Variants in STK32A observed in about 807,000 individuals in gnomAD.
STK32A encodes serine/threonine-protein kinase 32A.
In STK32A, 41 loss-of-function variants were observed where a neutral mutation model predicts 53.2. The ratio of observed to expected loss-of-function variants is 0.77; its 90% CI spans 0.60 to 1.00. The LOEUF is 1.00. Among genes scored for constraint, STK32A ranks in the 50% least tolerant of loss-of-function variants. The pLI, the probability that STK32A is intolerant of heterozygous loss-of-function variation, is 0.00. For missense variants in STK32A, 458 were observed against 485.8 expected, an observed-to-expected ratio of 0.94 and a Z score of 0.54; for synonymous variants, 166 against 162.8, an observed-to-expected ratio of 1.02 and a Z score of -0.15.
chr5:147,342,944 CTACCCCT>C (rs1232123043), intron 5 of STK32A, 55 bp from the exon 6 acceptor site: 17 of 1,550,832 alleles, frequency 1.1e-5, no homozygotes, highest in Non-Finnish European at 1.4e-5. Flanking sequence ...CTTTTTGCCC[CTACCCCT>C]TAGTTCTGTT....
intron 4 of STK32A, among the ~76,000 whole-genome samples, chr5:147,298,996 G>A (rs1346283706): frequency 3.3e-5 from 5 of 152,078 alleles, no homozygotes; most frequent in Non-Finnish European, 7.4e-5. Flanking sequence ...TACTGTTACA[G>A]GAAAGCAGTC....
intron 7 of STK32A, among the ~76,000 whole-genome samples, chr5:147,358,416 C>A (rs1756353625): frequency 1.3e-5 from 2 of 152,144 alleles, no homozygotes; most frequent in Admixed American, 1.3e-4. Context: ...TTATCACCAA[C>A]AGTTCCCCTG....
intron 4 of STK32A, among the ~76,000 whole-genome samples, chr5:147,284,815 T>C (rs1752252573): frequency 6.6e-6 from 1 of 151,840 alleles, no homozygotes; most frequent in Admixed American, 6.6e-5. Context: ...CACAAACAAA[T>C]GGAAACATGT....
intron 7 of STK32A, among the ~76,000 whole-genome samples, chr5:147,357,205 A>G (rs1756287310): frequency 6.6e-6 from 1 of 152,128 alleles, no homozygotes; most frequent in South Asian, 2.1e-4. Flanking sequence ...TTACATGTTA[A>G]TAGATTTCTG....
the STK32A span, among the ~76,000 whole-genome samples, chr5:147,396,719 CAT>C: frequency 6.6e-6 from 1 of 152,096 alleles, no homozygotes; most frequent in African/African-American, 2.4e-5. Flanking sequence ...AAATCACACT[CAT>C]AGAAATAAAG....
At chr5:147,269,385 G>A (rs1402737905) in intron 2 of STK32A, among the ~76,000 whole-genome samples, 3 of 152,106 alleles carry the variant, frequency 2.0e-5, no homozygotes, top group Non-Finnish European at 4.4e-5. Context: ...TGAGTTCAGT[G>A]AGCAATGTCT....
intron 4 of STK32A, among the ~76,000 whole-genome samples, chr5:147,300,435 T>C (rs1753075173): frequency 6.6e-6 from 1 of 152,222 alleles, no homozygotes; most frequent in African/African-American, 2.4e-5. Flanking sequence ...GTCTTTCATA[T>C]CCCACAAGAA....
intron 5 of STK32A, among the ~76,000 whole-genome samples, chr5:147,337,064 C>T (rs965401791): frequency 6.6e-6 from 1 of 152,176 alleles, no homozygotes; most frequent in Admixed American, 6.5e-5. Context: ...TGTAATTAGC[C>T]TGTTAACCCT....
Position 147,345,378 on chromosome 5 carries a change from C to T in STK32A, c.472+2335C>T, listed in dbSNP as rs146372904. On this transcript the variant is annotated intron_variant, in intron 6 of 12. Coordinates refer to ENST00000397936, the MANE Select transcript of STK32A (RefSeq NM_001112724.2). ...ACTCAATAAAAGTCTAATATTAGTA[C>T]AATTCTTCTGAGGCAGTCATGGCTT... 2.9e-4 allele frequency among the ~76,000 whole-genome samples: 44 copies of T among 152,242 alleles called. No individual in the cohort carries two copies. The South Asian group carries it at 5.0e-3, about 17-fold the overall frequency.
At chr5:147,256,182 C>T (rs932893384) in intron 2 of STK32A, among the ~76,000 whole-genome samples, 3 of 152,178 alleles carry the variant, frequency 2.0e-5, no homozygotes, top group African/African-American at 4.8e-5. Context: ...TGCATCCCTT[C>T]AGGTCTCCAA....
At chr5:147,247,921 A>G (rs908955237) in intron 2 of STK32A, among the ~76,000 whole-genome samples, 2 of 152,126 alleles carry the variant, frequency 1.3e-5, no homozygotes, top group South Asian at 2.1e-4. Context: ...CACGAGTTCG[A>G]GACCAGCCTG....
At chr5:147,382,744 A>G (rs910076650) in intron 11 of STK32A, among the ~76,000 whole-genome samples, 4 of 152,054 alleles carry the variant, frequency 2.6e-5, no homozygotes, top group African/African-American at 4.8e-5. Context: ...TTCCCTACAC[A>G]TGCAGTTGTT....
At chr5:147,302,791 A>C (rs1056040049) in intron 4 of STK32A, among the ~76,000 whole-genome samples, 8 of 152,194 alleles carry the variant, frequency 5.3e-5, no homozygotes, top group African/African-American at 1.9e-4. Context: ...CCCCTTGTCA[A>C]AATCAATTTA....
chr5:147,330,537 A>G (rs961328704), intron 5 of STK32A, among the ~76,000 whole-genome samples: 5 of 152,202 alleles, frequency 3.3e-5, no homozygotes, highest in Admixed American at 3.3e-4. Flanking sequence ...GTCTGTTCAC[A>G]TTTCCTCTAA....
intron 2 of STK32A, among the ~76,000 whole-genome samples, chr5:147,269,038 A>G (rs1420999708): frequency 6.6e-6 from 1 of 152,080 alleles, no homozygotes; most frequent in African/African-American, 2.4e-5. Flanking sequence ...CTTGAGTGGG[A>G]CTCTACCACT....
At chr5:147,347,309 C>T (rs1755736451) in intron 6 of STK32A, among the ~76,000 whole-genome samples, 1 of 144,942 alleles carries the variant, frequency 6.9e-6, no homozygotes, top group Non-Finnish European at 1.5e-5. Flanking sequence ...ATCCTCTATC[C>T]CAAGCAATAG....
At position 147,322,974 on chromosome 5, in the gene STK32A, G is replaced by C. The variant is rs1033201043; in HGVS notation, c.261-924G>C. On this transcript the variant is annotated intron_variant, in intron 4 of 12. Transcript: ENST00000397936. ...ACACAAGTTTCCCCTCATACCTGTT[G>C]TTCCAGCAAATCCAAGCTATTCTCC... 3.3e-5 allele frequency among the ~76,000 whole-genome samples: 5 copies of C among 152,244 alleles called. No homozygotes were observed. In the South Asian group the frequency reaches 6.2e-4, roughly 19 times the overall value.
chr5:147,289,938 G>A (rs1752523943), intron 4 of STK32A, among the ~76,000 whole-genome samples: 1 of 152,096 alleles, frequency 6.6e-6, no homozygotes, highest in East Asian at 1.9e-4. Flanking sequence ...AAGATGCACA[G>A]TTATATTTGA....
downstream of STK32A, chr5:147,391,379 C>T (rs1757793995): frequency 6.6e-6 from 1 of 152,630 alleles, no homozygotes; most frequent in Non-Finnish European, 1.5e-5. Flanking sequence ...ATTTCCCAAA[C>T]ACCCTTTCCA....
Sources: gnomAD v4.1 joint callset for allele counts (sites outside exome capture counted in the v4.1 genomes callset) on GRCh38, gnomAD v4.1.1 for gene constraint, MANE v1.5 for transcripts, NCBI Gene and HGNC (gene_info 2026-07-23, HGNC 2026-07-21) for gene names.